Variants in PUDP observed in about 807,000 individuals in gnomAD.
The protein encoded by PUDP is pseudouridine-5'-phosphatase.
Under a neutral mutation model 9.4 loss-of-function variants are expected in PUDP, and 8 were observed. That is an observed-to-expected ratio of 0.85 (90% CI 0.50 to 1.53). PUDP has a LOEUF of 1.53. PUDP is among the 40% of genes most tolerant of loss of function. The pLI, the probability that PUDP is intolerant of heterozygous loss-of-function variation, is 0.00. For synonymous variants in PUDP, 99 were observed against 80.7 expected (o/e 1.23, Z -1.22); for missense variants, 188 against 189.7 (o/e 0.99, Z 0.05).
chrX:6,743,076 G>A (rs1924958884), intron 3 of PUDP, among the ~76,000 whole-genome samples: 1 of 112,109 alleles, frequency 8.9e-6, no homozygotes, highest in Non-Finnish European at 1.9e-5. Flanking sequence ...GAAACTGGAT[G>A]AAGAATACAC....
chrX:6,823,487 C>T (rs1926378389), intron 3 of PUDP, among the ~76,000 whole-genome samples: 1 of 111,965 alleles, frequency 8.9e-6, no homozygotes, highest in African/African-American at 3.2e-5. Flanking sequence ...TAGGCTTCAC[C>T]TACACAACAA....
chrX:6,743,971 G>A (rs1924969537), intron 3 of PUDP, among the ~76,000 whole-genome samples: 1 of 111,537 alleles, frequency 9.0e-6, no homozygotes, highest in Non-Finnish European at 1.9e-5. Flanking sequence ...ATATCCTAAG[G>A]CATTTTAGGG....
At chrX:6,851,616 C>T (rs1407563747) in intron 3 of PUDP, among the ~76,000 whole-genome samples, 1 of 111,655 alleles carries the variant, frequency 9.0e-6, no homozygotes, top group Non-Finnish European at 1.9e-5. Context: ...GCATTTTAAA[C>T]CATTTTAGCA....
intron 3 of PUDP, among the ~76,000 whole-genome samples, chrX:6,797,952 T>C (rs1299846083): frequency 9.0e-6 from 1 of 111,337 alleles, no homozygotes; most frequent in Non-Finnish European, 1.9e-5. Flanking sequence ...GAAATTGGTA[T>C]CAATAATGTT....
intron 3 of PUDP, among the ~76,000 whole-genome samples, chrX:6,881,965 T>C (rs1927352707): frequency 1.2e-5 from 1 of 85,402 alleles, no homozygotes; most frequent in African/African-American, 4.4e-5. Context: ...GAGGAATCTC[T>C]TTTTTTTTTT....
At chrX:6,793,584 C>T (rs955999214) in intron 3 of PUDP, among the ~76,000 whole-genome samples, 10 of 111,986 alleles carry the variant, frequency 8.9e-5, no homozygotes, top group African/African-American at 1.3e-4. Flanking sequence ...TCAATCAACC[C>T]TGGTCAAGCA....
chrX:7,115,290 G>C (rs1253628527), intron 1 of PUDP, among the ~76,000 whole-genome samples: 2 of 112,028 alleles, frequency 1.8e-5, no homozygotes, highest in Non-Finnish European at 3.8e-5. Flanking sequence ...TGGAAATCAA[G>C]AAAAAAACAT....
At chrX:7,085,737 T>C (rs1931244252) in intron 2 of PUDP, among the ~76,000 whole-genome samples, 1 of 112,012 alleles carries the variant, frequency 8.9e-6, no homozygotes, top group African/African-American at 3.2e-5. Context: ...GCTGCTACCA[T>C]TGTGATAAAT....
At chrX:7,027,605 A>G (rs1038789108) in intron 1 of PUDP, among the ~76,000 whole-genome samples, 9 of 101,860 alleles carry the variant, frequency 8.8e-5, no homozygotes, top group Non-Finnish European at 1.8e-4. Flanking sequence ...AATTATATAT[A>G]TATGAGAATA....
At chrX:6,918,756 A>T (rs1166258326) in intron 3 of PUDP, among the ~76,000 whole-genome samples, 1 of 112,070 alleles carries the variant, frequency 8.9e-6, no homozygotes, top group East Asian at 2.8e-4. Flanking sequence ...AAAGGTGAAA[A>T]TGTCCATTCA....
At chrX:6,750,591 A>G (rs1181861368) in intron 3 of PUDP, among the ~76,000 whole-genome samples, 5 of 111,705 alleles carry the variant, frequency 4.5e-5, no homozygotes, top group African/African-American at 9.8e-5. Context: ...GACCCCTGGT[A>G]GGCTTTGTTG....
intron 3 of PUDP, among the ~76,000 whole-genome samples, chrX:6,851,174 T>C (rs1264958189): frequency 2.7e-5 from 3 of 112,233 alleles, no homozygotes; most frequent in Non-Finnish European, 5.6e-5. Context: ...TTTCTTGAAT[T>C]CTGAAGCATC....
intron 3 of PUDP, among the ~76,000 whole-genome samples, chrX:6,744,904 T>G (rs1924981785): frequency 8.9e-6 from 1 of 111,932 alleles, no homozygotes; most frequent in South Asian, 3.7e-4. Flanking sequence ...TTAAACGAAA[T>G]ATTAATCATC....
At chrX:6,954,039 C>T (rs1928591488) in intron 3 of PUDP, among the ~76,000 whole-genome samples, 1 of 110,480 alleles carries the variant, frequency 9.1e-6, no homozygotes, top group African/African-American at 3.3e-5. Flanking sequence ...CTGCGCTTCT[C>T]CTTGCTGCTG....
At chrX:6,728,706 C>G (rs1924773434) in intron 3 of PUDP, among the ~76,000 whole-genome samples, 1 of 111,740 alleles carries the variant, frequency 8.9e-6, no homozygotes, top group Admixed American at 9.5e-5. Flanking sequence ...CCCCACATCC[C>G]TTTCCCTCCG....
chrX:6,728,089 A>G (rs998297088), intron 3 of PUDP, among the ~76,000 whole-genome samples: 3 of 111,598 alleles, frequency 2.7e-5, no homozygotes, highest in Non-Finnish European at 3.8e-5. Flanking sequence ...CAATCATGGC[A>G]GAAGGCAAAA....
chrX:6,751,120 T>C (rs183809511), intron 3 of PUDP, among the ~76,000 whole-genome samples: 1,142 of 105,415 alleles, frequency 0.011, 16 homozygotes, highest in African/African-American at 0.036. Flanking sequence ...CCAGCCTGGG[T>C]GACAGAGTGA....
intron 3 of PUDP, among the ~76,000 whole-genome samples, chrX:6,736,312 A>G (rs1924871828): frequency 8.9e-6 from 1 of 111,815 alleles, no homozygotes. Context: ...AGTAGACTGA[A>G]TAATGCCCTC....
rs3046297 is a variant in PUDP, at chrX:6,733,770, C to CTTT, written c.*248-27307_*248-27305dup. Reference sequence around the variant, plus strand: ...ACTCGGAGCTGCCCTAAAGCAAAGCCTTTTTTTTTTTTTTTTTTTTTTTTT... The same window carrying CTTT: ...ACTCGGAGCTGCCCTAAAGCAAAGCCTTTTTTTTTTTTTTTTTTTTTTTTTTTT... On this transcript the variant is annotated intron_variant and NMD_transcript_variant, in intron 3 of 3. Coordinates refer to the PUDP transcript ENST00000655425. Among the ~76,000 whole-genome samples the CTTT allele has an allele frequency of 4.4e-3, 204 of 46,265 alleles. 9 individuals are homozygous for CTTT. The highest frequency in any genetic ancestry group is 0.023 in the Middle Eastern group (1 of 43). 40.2% of individuals were successfully genotyped at this position (46,265 alleles called of 115,157 possible). A position where few individuals can be genotyped will look rare whatever the true frequency, so the allele number is the denominator to read the frequency against.
Sources: gnomAD v4.1 joint callset for allele counts (sites outside exome capture counted in the v4.1 genomes callset) on GRCh38, gnomAD v4.1.1 for gene constraint, MANE v1.5 for transcripts, NCBI Gene and HGNC (gene_info 2026-07-23, HGNC 2026-07-21) for gene names.